Variants in TTBK2 observed in about 807,000 individuals in gnomAD.
The protein encoded by TTBK2 is tau tubulin kinase 2, also known as tau-tubulin kinase 2.
In TTBK2, 28 loss-of-function variants were observed where a neutral mutation model predicts 110.8. The observed-to-expected ratio is 0.25, with a 90% CI of 0.19 to 0.35. The LOEUF (loss-of-function observed/expected upper bound fraction) is 0.35, where lower values mean the gene tolerates loss of function less well. TTBK2 is among the 10% of genes least tolerant of loss of function. The pLI, the probability that TTBK2 is intolerant of heterozygous loss-of-function variation, is 1.00. For missense variants in TTBK2, 1,369 were observed against 1,500.3 expected, an observed-to-expected ratio of 0.91 and a Z score of 1.45; for synonymous variants, 532 against 527.3, an observed-to-expected ratio of 1.01 and a Z score of -0.12.
Position 42,752,079 on chromosome 15 carries a change from G to A in TTBK2, c.3167C>T (p.Pro1056Leu), listed in dbSNP as rs1372971272. 6.2e-7 allele frequency: 1 copy of A among 1,614,202 alleles called. No individual in the cohort carries two copies. Among genetic ancestry groups the A allele is most frequent in the Admixed American group, 1.7e-5 (1 of 60,026 alleles). Residue 1056 changes from proline (P) to leucine (L), a missense_variant, in exon 14 of 15, where the codon CCA becomes CTA. Physicochemically the swap from Pro to Leu is moderately conservative, Grantham distance 98. Coordinates refer to ENST00000267890, the MANE Select transcript of TTBK2 (RefSeq NM_173500.4). Reference protein sequence around the residue: ...SQSRKSKIPRPVSWVNTDQVN... With the variant: ...SQSRKSKIPRLVSWVNTDQVN... ...CTGATCTGTGTTGACCCATGAAACT[G>A]GCCTTGGAATTTTGCTCTTTCTAGA...
At chr15:42,814,734 G>A (rs938711288) in intron 7 of TTBK2, among the ~76,000 whole-genome samples, 3 of 152,192 alleles carry the variant, frequency 2.0e-5, no homozygotes, top group African/African-American at 7.2e-5. Context: ...GTTCCAAGAG[G>A]TGCACTCCTG....
intron 6 of TTBK2, among the ~76,000 whole-genome samples, chr15:42,826,957 A>G (rs1452038684): frequency 6.6e-6 from 1 of 152,234 alleles, no homozygotes; most frequent in East Asian, 1.9e-4. Context: ...CGTCAGAACA[A>G]TGATCAAACA....
chr15:42,749,133 G>T (rs1221040993), intron 14 of TTBK2, among the ~76,000 whole-genome samples: 1 of 152,160 alleles, frequency 6.6e-6, no homozygotes. Context: ...AGATGATTGT[G>T]GCTTTGTTTC....
intron 3 of TTBK2, chr15:42,855,323 G>C (rs1334873066): frequency 6.6e-6 from 1 of 152,138 alleles, no homozygotes; most frequent in African/African-American, 2.4e-5. Flanking sequence ...ATAGCAATTA[G>C]TACCCTAGTG....
chr15:42,815,889 TA>T (rs527437300), intron 7 of TTBK2, among the ~76,000 whole-genome samples: 3 of 100,908 alleles, frequency 3.0e-5, no homozygotes, highest in African/African-American at 1.7e-4. Context: ...TATATATATT[TA>T]AAAATATATA....
intron 1 of TTBK2, among the ~76,000 whole-genome samples, chr15:42,913,103 A>G (rs1285833054): frequency 1.4e-5 from 2 of 138,610 alleles, no homozygotes; most frequent in African/African-American, 5.7e-5. Context: ...CCTCAGTCCG[A>G]CCTGGGCGAC....
intron 3 of TTBK2, among the ~76,000 whole-genome samples, chr15:42,865,117 T>C (rs554736539): frequency 3.3e-5 from 5 of 152,014 alleles, no homozygotes; most frequent in African/African-American, 9.7e-5. Context: ...GGGCAATCAC[T>C]AAAAAAAGTA....
chr15:42,752,873 C>G lies in TTBK2; in HGVS notation c.2373G>C (p.Glu791Asp). ...TACAATGCTGCCCTCTACTTAACTT[C>G]TCATCTTCATTATCTGACTCTAAAA... ...SILLESDNED[E>D]KLSRGQHCIE... The change falls in exon 14 of 15, where the codon GAG becomes GAC. Residue 791 changes from glutamate to aspartate, a missense_variant. Physicochemically the swap from Glu to Asp is conservative, Grantham distance 45. This residue lies in a region of TTBK2 where 1,097 missense variants were observed against 1,114.7 expected (regional missense o/e 0.98). Transcript: ENST00000267890. The G allele has an allele frequency of 2.5e-6, 4 of 1,614,172 alleles. No individual in the cohort carries two copies. The highest frequency in any genetic ancestry group is 3.4e-6 in the Non-Finnish European group (4 of 1,180,038).
At chr15:42,777,747 G>A (rs914641179) in intron 11 of TTBK2, among the ~76,000 whole-genome samples, 14 of 152,232 alleles carry the variant, frequency 9.2e-5, no homozygotes, top group African/African-American at 3.4e-4. Context: ...GAGGATGACT[G>A]TGAGGCAGCC....
chr15:42,838,747 C>G (rs1042841073), intron 4 of TTBK2, among the ~76,000 whole-genome samples: 2 of 151,782 alleles, frequency 1.3e-5, no homozygotes, highest in Non-Finnish European at 2.9e-5. Context: ...ACCTGGGAGA[C>G]GGAGGTTTCA....
At chr15:42,875,923 A>AG (rs1199474170) in intron 2 of TTBK2, among the ~76,000 whole-genome samples, 1 of 151,070 alleles carries the variant, frequency 6.6e-6, no homozygotes, top group African/African-American at 2.4e-5. Flanking sequence ...AAAAAAAAAA[A>AG]AAAAGAAATG....
chr15:42,902,626 G>C (rs997377048), intron 1 of TTBK2, among the ~76,000 whole-genome samples: 1 of 152,064 alleles, frequency 6.6e-6, no homozygotes, highest in African/African-American at 2.4e-5. Context: ...GAAAAAATTA[G>C]AGCCATTCTG....
intron 9 of TTBK2, among the ~76,000 whole-genome samples, chr15:42,802,643 C>T (rs150520467): frequency 6.6e-6 from 1 of 152,098 alleles, no homozygotes; most frequent in African/African-American, 2.4e-5. Flanking sequence ...ACCATTAAGT[C>T]GGGTGTCACA....
chr15:42,762,129 A>G (rs2062037148), intron 13 of TTBK2, among the ~76,000 whole-genome samples: 1 of 152,204 alleles, frequency 6.6e-6, no homozygotes, highest in Non-Finnish European at 1.5e-5. Context: ...TGTAAGTCCA[A>G]TTAAACCTCT....
At chr15:42,907,338 A>C (rs999314358) in intron 1 of TTBK2, among the ~76,000 whole-genome samples, 1 of 152,222 alleles carries the variant, frequency 6.6e-6, no homozygotes, top group African/African-American at 2.4e-5. Context: ...GTATATATCC[A>C]AAAGAAAGGA....
chr15:42,790,183 A>G (rs1442236782), intron 10 of TTBK2, among the ~76,000 whole-genome samples: 1 of 152,202 alleles, frequency 6.6e-6, no homozygotes, highest in Non-Finnish European at 1.5e-5. Context: ...AAACTCCTAG[A>G]AGAGAACATA....
intron 10 of TTBK2, among the ~76,000 whole-genome samples, chr15:42,791,078 G>A (rs1047697592): frequency 3.9e-5 from 6 of 152,140 alleles, no homozygotes; most frequent in African/African-American, 7.2e-5. Flanking sequence ...TAGTAGAGAC[G>A]GGGTTTCACT....
chr15:42,748,163 T>TA, intron 14 of TTBK2, among the ~76,000 whole-genome samples: 1 of 152,090 alleles, frequency 6.6e-6, no homozygotes, highest in Non-Finnish European at 1.5e-5. Context: ...GGGGGTTAGT[T>TA]ACAGAAAATA....
intron 11 of TTBK2, among the ~76,000 whole-genome samples, chr15:42,782,226 C>G (rs1890209922): frequency 6.6e-6 from 1 of 152,128 alleles, no homozygotes; most frequent in African/African-American, 2.4e-5. Context: ...CACCCACCAC[C>G]AAACCCTGCT....
Sources: allele counts gnomAD v4.1 joint callset (sites outside exome capture counted in the v4.1 genomes callset), GRCh38; gene constraint gnomAD v4.1.1; regional missense constraint gnomAD v4.1.1; transcripts MANE v1.5; gene names NCBI Gene and HGNC (gene_info 2026-07-23, HGNC 2026-07-21).